LYPD6B: variants seen among roughly 807,000 people sequenced by gnomAD.
The protein encoded by LYPD6B is ly6/PLAUR domain-containing protein 6B.
In LYPD6B, 17 loss-of-function variants were observed where a neutral mutation model predicts 22.8. That is an observed-to-expected ratio of 0.75 (90% CI 0.51 to 1.12). LYPD6B has a LOEUF of 1.12. Ranked by LOEUF, LYPD6B falls within the 50% of genes most tolerant of loss-of-function variation. The pLI is 0.00. For missense variants in LYPD6B, 221 were observed against 258.3 expected, an observed-to-expected ratio of 0.86 and a Z score of 0.99; for synonymous variants, 106 against 91.6, an observed-to-expected ratio of 1.16 and a Z score of -0.90.
chr2:149,111,595 G>T (rs1686762651), intron 1 of LYPD6B, among the ~76,000 whole-genome samples: 2 of 152,156 alleles, frequency 1.3e-5, no homozygotes, highest in South Asian at 4.1e-4. Flanking sequence ...GTTCAGTTTT[G>T]ACATGGTGAG....
chr2:149,133,001 A>G (rs1012297707), intron 2 of LYPD6B, among the ~76,000 whole-genome samples: 2 of 152,196 alleles, frequency 1.3e-5, no homozygotes, highest in Non-Finnish European at 2.9e-5. Flanking sequence ...TGTTTTTACT[A>G]GGTTCTAGAT....
intron 1 of LYPD6B, among the ~76,000 whole-genome samples, chr2:149,061,682 A>C (rs1004645985): frequency 6.6e-6 from 1 of 152,158 alleles, no homozygotes; most frequent in Non-Finnish European, 1.5e-5. Context: ...CATGTAAAAT[A>C]ATCTCCCTCC....
intron 1 of LYPD6B, among the ~76,000 whole-genome samples, chr2:149,092,410 G>A (rs1201592802): frequency 1.3e-5 from 2 of 152,172 alleles, no homozygotes; most frequent in African/African-American, 4.8e-5. Context: ...ATGTGGAAGT[G>A]ACTAGGCGAT....
chr2:149,210,415 T>G (rs1380627370), intron 5 of LYPD6B, among the ~76,000 whole-genome samples: 1 of 152,166 alleles, frequency 6.6e-6, no homozygotes, highest in Non-Finnish European at 1.5e-5. Flanking sequence ...CATGGCATGA[T>G]AGGACATTCT....
intron 1 of LYPD6B, among the ~76,000 whole-genome samples, chr2:149,125,292 C>A (rs1386951643): frequency 6.6e-6 from 1 of 152,128 alleles, no homozygotes; most frequent in African/African-American, 2.4e-5. Context: ...CCACACCTGG[C>A]CTGCAAGTTA....
intron 2 of LYPD6B, among the ~76,000 whole-genome samples, chr2:149,140,741 T>G (rs1006537648): frequency 6.6e-6 from 1 of 152,258 alleles, no homozygotes; most frequent in South Asian, 2.1e-4. Flanking sequence ...AAATGCCTGG[T>G]GAATTTCCAC....
At chr2:149,172,274 A>G (rs913199766) in intron 3 of LYPD6B, among the ~76,000 whole-genome samples, 20 of 152,206 alleles carry the variant, frequency 1.3e-4, no homozygotes, top group African/African-American at 3.9e-4. Flanking sequence ...CCGTGATTCA[A>G]TTACCTTCTA....
intron 1 of LYPD6B, among the ~76,000 whole-genome samples, chr2:149,080,867 A>AAAAAAAACC (rs1491182913): frequency 9.2e-6 from 1 of 108,674 alleles, no homozygotes; most frequent in Non-Finnish European, 2.0e-5. Context: ...AAAAAAAAAA[A>AAAAAAAACC]CCACACAAAA....
rs1187707474 is a variant in LYPD6B at position 149,212,402 on chromosome 2, AAAG to A, written c.329-587_329-585del. On this transcript the variant is annotated intron_variant, in intron 5 of 6. Transcript: ENST00000409642. ...TCTCAAAAAAAAAAAAAAAAAAAAA[AAAG>A]AAATTATTAGGTTGGTGCAAAATGA... Among the ~76,000 whole-genome samples the A allele has an allele frequency of 1.1e-3, 159 of 150,560 alleles. 3 individuals carry two copies. The highest frequency in any genetic ancestry group is 1.5e-3 in the South Asian group (7 of 4,772).
At chr2:149,050,044 C>G (rs1427069743) in intron 1 of LYPD6B, among the ~76,000 whole-genome samples, 1 of 152,096 alleles carries the variant, frequency 6.6e-6, no homozygotes, top group African/African-American at 2.4e-5. Flanking sequence ...ACTCAACTCC[C>G]CATATTCCCC....
In LYPD6B at chr2:149,094,856, G is replaced by A. The variant is rs1264494222; in HGVS notation, c.-66-36027G>A. Among the ~76,000 whole-genome samples the A allele has an allele frequency of 6.6e-5, 10 of 152,244 alleles. No individual in the cohort carries two copies. The East Asian group carries it at 1.7e-3, about 26-fold the overall frequency. ...AGGAATTTTAAGGAGGATGAGGCAT[G>A]TATGAAATAGCAACTCCAACAGTTG... is the stretch of plus-strand genomic sequence containing the variant. On this transcript the variant is annotated intron_variant, in intron 1 of 6. Transcript: ENST00000409642.
chr2:149,119,693 C>G (rs1469492317), intron 1 of LYPD6B, among the ~76,000 whole-genome samples: 2 of 152,182 alleles, frequency 1.3e-5, no homozygotes, highest in African/African-American at 4.8e-5. Flanking sequence ...TCTGTTATCA[C>G]TCTGCTAGAT....
chr2:149,046,031 C>G (rs1317934824), intron 1 of LYPD6B, among the ~76,000 whole-genome samples: 1 of 152,058 alleles, frequency 6.6e-6, no homozygotes, highest in African/African-American at 2.4e-5. Context: ...TTTCTTTTTA[C>G]TCATATCACT....
At chr2:149,184,535 C>T (rs1358656620) in intron 3 of LYPD6B, among the ~76,000 whole-genome samples, 1 of 152,274 alleles carries the variant, frequency 6.6e-6, no homozygotes, top group South Asian at 2.1e-4. Flanking sequence ...TTTGATATAC[C>T]ACTACCTAGT....
chr2:149,193,965 T>G (rs1231816321), intron 3 of LYPD6B, among the ~76,000 whole-genome samples: 3 of 152,224 alleles, frequency 2.0e-5, no homozygotes, highest in African/African-American at 7.2e-5. Context: ...GTGTCCATCT[T>G]TCTGAGCCCT....
intron 2 of LYPD6B, among the ~76,000 whole-genome samples, chr2:149,132,498 C>T (rs1300711378): frequency 1.3e-5 from 2 of 151,790 alleles, no homozygotes; most frequent in African/African-American, 2.4e-5. Context: ...GGGTGTGGGG[C>T]CAAAGCCCAA....
At chr2:149,149,777 T>C (rs1689253168) in intron 2 of LYPD6B, among the ~76,000 whole-genome samples, 1 of 152,190 alleles carries the variant, frequency 6.6e-6, no homozygotes, top group Non-Finnish European at 1.5e-5. Context: ...TCAGAAAGTA[T>C]CCATGAATCA....
chr2:149,190,538 T>C (rs926468555), intron 3 of LYPD6B, among the ~76,000 whole-genome samples: 5 of 152,164 alleles, frequency 3.3e-5, no homozygotes, highest in African/African-American at 1.2e-4. Context: ...TATATGAAAA[T>C]TTCCTGTGGT....
intron 2 of LYPD6B, among the ~76,000 whole-genome samples, chr2:149,140,570 G>A (rs448056): frequency 0.8 from 122,339 of 152,244 alleles, 49,277 homozygotes; most frequent in South Asian, 0.81. Flanking sequence ...CTGCTGGACC[G>A]TGAGAGCCAA....
Sources: allele counts gnomAD v4.1 joint callset (sites outside exome capture counted in the v4.1 genomes callset), GRCh38; gene constraint gnomAD v4.1.1; transcripts MANE v1.5; gene names NCBI Gene and HGNC (gene_info 2026-07-23, HGNC 2026-07-21).